The following MAML2 variants were observed in gnomAD, a reference collection of about 807,000 sequenced individuals.
The protein encoded by MAML2 is mastermind like transcriptional coactivator 2.
MAML2 carries 22 observed loss-of-function variants against 96.1 expected under a neutral mutation model. The observed-to-expected ratio is 0.23, with a 90% CI of 0.16 to 0.33. The LOEUF (loss-of-function observed/expected upper bound fraction) is 0.33. Among genes scored for constraint, MAML2 ranks in the 10% least tolerant of loss-of-function variants. The probability of loss-of-function intolerance (pLI) is 1.00; values close to 1 mark genes in which losing one functional copy is unlikely to be tolerated. For synonymous variants in MAML2, 561 were observed against 521.3 expected (o/e 1.08, Z -1.04); for missense variants, 1,367 against 1,392.4 (o/e 0.98, Z 0.29).
At chr11:96,148,936 T>A (rs987903829) in intron 1 of MAML2, among the ~76,000 whole-genome samples, 2 of 152,238 alleles carry the variant, frequency 1.3e-5, no homozygotes, top group Non-Finnish European at 2.9e-5. Context: ...AGCATGGATG[T>A]GAAATTGATT....
At chr11:96,002,363 C>G (rs1164302918) in intron 2 of MAML2, among the ~76,000 whole-genome samples, 3 of 152,132 alleles carry the variant, frequency 2.0e-5, no homozygotes, top group Admixed American at 6.5e-5. Context: ...AACTGGAAAA[C>G]CAAAGTGGGG....
chr11:96,073,303 A>T (rs1859376251), intron 2 of MAML2, among the ~76,000 whole-genome samples: 1 of 144,744 alleles, frequency 6.9e-6, no homozygotes, highest in Non-Finnish European at 1.5e-5. Context: ...CTTGTTGCAG[A>T]TTCATTTCTT....
chr11:96,204,059 T>A (rs1473988169), intron 1 of MAML2, among the ~76,000 whole-genome samples: 2 of 151,968 alleles, frequency 1.3e-5, no homozygotes, highest in Non-Finnish European at 2.9e-5. Flanking sequence ...GCTGTCAGCA[T>A]CCCTAGGCCT....
intron 1 of MAML2, among the ~76,000 whole-genome samples, chr11:96,099,634 T>C (rs974799050): frequency 2.0e-5 from 3 of 152,126 alleles, no homozygotes; most frequent in African/African-American, 7.2e-5. Flanking sequence ...CCTCAGTGCC[T>C]GGGAAACGGG....
chr11:96,193,106 G>A (rs1475788105), intron 1 of MAML2, among the ~76,000 whole-genome samples: 1 of 152,098 alleles, frequency 6.6e-6, no homozygotes, highest in Non-Finnish European at 1.5e-5. Flanking sequence ...CGGTGGCTCA[G>A]GCCTATAATC....
intron 1 of MAML2, among the ~76,000 whole-genome samples, chr11:96,214,021 T>C (rs745449591): frequency 1.2e-4 from 18 of 152,184 alleles, no homozygotes; most frequent in Non-Finnish European, 1.3e-4. Context: ...TCTAATTATT[T>C]TCCTTCCCAC....
intron 1 of MAML2, among the ~76,000 whole-genome samples, chr11:96,252,172 T>TACACACACACACACA (rs1333313977): frequency 6.6e-6 from 1 of 151,076 alleles, no homozygotes; most frequent in African/African-American, 2.4e-5. Context: ...CTTCTCTCTC[T>TACACACACACACACA]CTACACACAC....
chr11:96,092,856 G>A lies in MAML2; in HGVS notation c.1175C>T (p.Ser392Phe), dbSNP rs1344060266. 2 of 1,607,408 alleles carry A rather than the reference G, an allele frequency of 1.2e-6. No individual in the cohort carries two copies. The highest frequency in any genetic ancestry group is 4.5e-5 in the East Asian group (2 of 44,756). Residue 392 changes from serine (S) to phenylalanine (F), a missense_variant, in exon 2 of 5, where the codon TCC (serine) becomes TTC (phenylalanine). Ser to Phe is a radical substitution (Grantham distance 155, BLOSUM62 -2). Coordinates refer to ENST00000524717, the MANE Select transcript of MAML2 (RefSeq NM_032427.4). The surrounding 1 kb of genome is among the most constrained non-coding windows in gnomAD (Gnocchi z 4.1). ...LRPPSAGPAF[S>F]MANSALSTSS... ...AGTGGAGAGGGCAGAGTTGGCCATG[G>A]AGAATGCGGGGCCAGCTGATGGGGG...
intron 2 of MAML2, among the ~76,000 whole-genome samples, chr11:96,067,565 TCTC>T (rs774538799): frequency 1.0e-3 from 153 of 149,172 alleles, no homozygotes; most frequent in Non-Finnish European, 1.8e-3. Context: ...ATGAAACACT[TCTC>T]CTGGAAATTA....
At chr11:95,997,827 T>C (rs957809059) in intron 2 of MAML2, among the ~76,000 whole-genome samples, 1 of 152,202 alleles carries the variant, frequency 6.6e-6, no homozygotes, top group African/African-American at 2.4e-5. Flanking sequence ...TTCACTGCTC[T>C]GTCCCTAACC....
chr11:96,301,140 C>G (rs1237387090), intron 1 of MAML2, among the ~76,000 whole-genome samples: 1 of 152,152 alleles, frequency 6.6e-6, no homozygotes, highest in Non-Finnish European at 1.5e-5. Flanking sequence ...ATTGTTAGGA[C>G]CCATGTATTC....
intron 1 of MAML2, among the ~76,000 whole-genome samples, chr11:96,260,456 A>G (rs1394937327): frequency 6.6e-6 from 1 of 152,160 alleles, no homozygotes; most frequent in Non-Finnish European, 1.5e-5. Flanking sequence ...TGTTCTTGGA[A>G]TGGAGGTGCA....
chr11:96,177,159 A>C (rs1275492311), intron 1 of MAML2, among the ~76,000 whole-genome samples: 1 of 152,196 alleles, frequency 6.6e-6, no homozygotes, highest in Non-Finnish European at 1.5e-5. Flanking sequence ...TCTTGATTGA[A>C]CCATAAAAGT....
intron 2 of MAML2, among the ~76,000 whole-genome samples, chr11:96,081,146 G>T (rs1419016090): frequency 6.6e-6 from 1 of 152,014 alleles, no homozygotes; most frequent in Non-Finnish European, 1.5e-5. Flanking sequence ...GGAGGATAAG[G>T]GATGAAAGAC....
intron 1 of MAML2, among the ~76,000 whole-genome samples, chr11:96,132,090 T>A (rs1271711657): frequency 2.0e-5 from 3 of 152,220 alleles, no homozygotes. Context: ...ATCACATCTG[T>A]CTTGCACAGA....
At chr11:96,240,302 G>A (rs1183446954) in intron 1 of MAML2, among the ~76,000 whole-genome samples, 1 of 151,988 alleles carries the variant, frequency 6.6e-6, no homozygotes, top group Non-Finnish European at 1.5e-5. Flanking sequence ...TGTAATCCCA[G>A]CACTTTGGGA....
chr11:96,160,929 C>A (rs538361365), intron 1 of MAML2, among the ~76,000 whole-genome samples: 13 of 152,218 alleles, frequency 8.5e-5, no homozygotes, highest in Non-Finnish European at 1.5e-4. Flanking sequence ...CCGCCCTCTG[C>A]GAGTGACCCT....
chr11:96,305,948 A>G (rs1863455733), intron 1 of MAML2, among the ~76,000 whole-genome samples: 1 of 152,220 alleles, frequency 6.6e-6, no homozygotes, highest in African/African-American at 2.4e-5. Flanking sequence ...ATGCTCCTAG[A>G]AAATGAACAT....
chr11:96,037,437 C>G (rs1017828485), intron 2 of MAML2, among the ~76,000 whole-genome samples: 1 of 152,208 alleles, frequency 6.6e-6, no homozygotes, highest in African/African-American at 2.4e-5. Flanking sequence ...GGTTGTAAGA[C>G]AGTTTCAACT....
Sources: gnomAD v4.1 joint callset for allele counts (sites outside exome capture counted in the v4.1 genomes callset) on GRCh38, gnomAD v4.1.1 for gene constraint, Gnocchi (gnomAD v3.1) non-coding constraint, MANE v1.5 for transcripts, NCBI Gene and HGNC (gene_info 2026-07-23, HGNC 2026-07-21) for gene names.